Variants in RBM20 observed in about 807,000 individuals in gnomAD.
The protein encoded by RBM20 is RNA binding motif protein 20, also known as RNA-binding protein 20.
In RBM20, 51 loss-of-function variants were observed where a neutral mutation model predicts 110.1. The observed-to-expected ratio is 0.46, with a 90% CI of 0.37 to 0.59. RBM20 has a LOEUF of 0.59. Ranked by LOEUF, RBM20 falls within the 20% of genes least tolerant of loss-of-function variation. The pLI, the probability that RBM20 is intolerant of heterozygous loss-of-function variation, is 0.00. For synonymous variants in RBM20, 589 were observed against 618.2 expected (o/e 0.95, Z 0.70); for missense variants, 1,512 against 1,574.9 (o/e 0.96, Z 0.68).
At chr10:110,728,801 G>T (rs972939852) in intron 1 of RBM20, among the ~76,000 whole-genome samples, 9 of 152,102 alleles carry the variant, frequency 5.9e-5, no homozygotes, top group East Asian at 1.9e-4. Context: ...TTGCTGAGTC[G>T]CCAGGTCTCA....
intron 1 of RBM20, among the ~76,000 whole-genome samples, chr10:110,695,285 A>T (rs1246205876): frequency 6.6e-6 from 1 of 152,258 alleles, no homozygotes; most frequent in Non-Finnish European, 1.5e-5. Flanking sequence ...CCACAGGTGC[A>T]GAGGGCATAA....
chr10:110,712,608 A>G (rs1042952294), intron 1 of RBM20, among the ~76,000 whole-genome samples: 25 of 152,196 alleles, frequency 1.6e-4, no homozygotes, highest in African/African-American at 4.6e-4. Context: ...CTCTACCAAA[A>G]ATACAAAAAT....
At chr10:110,675,231 G>T (rs1161465313) in intron 1 of RBM20, among the ~76,000 whole-genome samples, 4 of 152,164 alleles carry the variant, frequency 2.6e-5, no homozygotes, top group Non-Finnish European at 5.9e-5. Flanking sequence ...TGGGAATAAA[G>T]GAAAAGAGAG....
intron 1 of RBM20, among the ~76,000 whole-genome samples, chr10:110,710,929 T>C (rs1241269450): frequency 6.6e-6 from 1 of 152,084 alleles, no homozygotes; most frequent in Non-Finnish European, 1.5e-5. Context: ...GGCTCCTACA[T>C]GTGGAGGTTG....
chr10:110,684,318 C>T (rs980074670), intron 1 of RBM20, among the ~76,000 whole-genome samples: 2 of 151,910 alleles, frequency 1.3e-5, no homozygotes, highest in East Asian at 1.9e-4. Flanking sequence ...CGTTTGAACC[C>T]GGGAGGCAGA....
chr10:110,729,655 C>T (rs1389273120), intron 1 of RBM20, among the ~76,000 whole-genome samples: 1 of 152,176 alleles, frequency 6.6e-6, no homozygotes, highest in African/African-American at 2.4e-5. Context: ...GATTCCCAGC[C>T]GTCCGTCATC....
chr10:110,667,670 A>C (rs1862197945), intron 1 of RBM20, among the ~76,000 whole-genome samples: 1 of 152,138 alleles, frequency 6.6e-6, no homozygotes, highest in Non-Finnish European at 1.5e-5. Flanking sequence ...CGTAACACAC[A>C]GGGCTTCATC....
intron 1 of RBM20, among the ~76,000 whole-genome samples, chr10:110,759,353 T>C (rs968019689): frequency 1.3e-5 from 2 of 152,198 alleles, no homozygotes; most frequent in African/African-American, 4.8e-5. Flanking sequence ...ATTGCAAAGA[T>C]AGAGTAGTCA....
chr10:110,735,006 A>G (rs935127873), intron 1 of RBM20, among the ~76,000 whole-genome samples: 90 of 152,156 alleles, frequency 5.9e-4, no homozygotes, highest in African/African-American at 2.0e-3. Context: ...TCCACAGTGT[A>G]TACACCACCC....
At chr10:110,730,683 C>T (rs925547295) in intron 1 of RBM20, among the ~76,000 whole-genome samples, 10 of 152,338 alleles carry the variant, frequency 6.6e-5, no homozygotes, top group Middle Eastern at 3.4e-3. Context: ...AAGTTCATTG[C>T]GGTGGGATTG....
intron 1 of RBM20, among the ~76,000 whole-genome samples, chr10:110,746,453 C>T (rs1326412488): frequency 6.6e-6 from 1 of 152,170 alleles, no homozygotes; most frequent in Non-Finnish European, 1.5e-5. Flanking sequence ...TTAAGTAGAG[C>T]CTCCTGGAAT....
chr10:110,683,455 C>T (rs1040198288), intron 1 of RBM20, among the ~76,000 whole-genome samples: 1 of 152,214 alleles, frequency 6.6e-6, no homozygotes, highest in Non-Finnish European at 1.5e-5. Context: ...CTCGTAAATG[C>T]TAGGTCAGGT....
In RBM20 at chr10:110,821,295, A is replaced by C. The variant is rs1447611071; in HGVS notation, c.2676A>C (p.Glu892Asp). The C allele has an allele frequency of 6.4e-7, 1 of 1,551,254 alleles. No individual in the cohort carries two copies. The highest frequency in any genetic ancestry group is 8.7e-7 in the Non-Finnish European group (1 of 1,146,720). The change falls in exon 11 of 14, where the codon GAA becomes GAC. Residue 892 changes from glutamate to aspartate, a missense_variant. By Grantham distance (45) the Glu-to-Asp change is conservative. This residue lies in a region of RBM20 where 1,149 missense variants were observed against 1,169.4 expected (regional missense o/e 0.98). Coordinates refer to ENST00000369519, the MANE Select transcript of RBM20 (RefSeq NM_001134363.3). The stretch of plus-strand genomic sequence containing the variant: ...TACAGGAACAAGATTGGGAGAGTGA[A>C]AGTGAGGCAGAGGGGGAGAGCTGGT... ...RTKKEQDWES[E>D]SEAEGESWYP...
chr10:110,644,296 G>T (rs992921246), upstream of RBM20: 8 of 489,330 alleles, frequency 1.6e-5, no homozygotes, highest in African/African-American at 1.6e-4. The surrounding 1 kb of genome is among the most constrained non-coding windows in gnomAD (Gnocchi z 4.3). Flanking sequence ...AGGCGGCGCC[G>T]CCAGGACTGC....
At chr10:110,756,089 G>A (rs1017168974) in intron 1 of RBM20, among the ~76,000 whole-genome samples, 2 of 152,218 alleles carry the variant, frequency 1.3e-5, no homozygotes, top group African/African-American at 4.8e-5. Flanking sequence ...ATACTTCAGT[G>A]GATAAATTTG....
chr10:110,659,651 T>A (rs1279129035), intron 1 of RBM20, among the ~76,000 whole-genome samples: 1 of 152,098 alleles, frequency 6.6e-6, no homozygotes, highest in Non-Finnish European at 1.5e-5. Context: ...CATTTCTGCA[T>A]CTCAAAAAAA....
intron 6 of RBM20, among the ~76,000 whole-genome samples, chr10:110,798,643 G>A (rs961945628): frequency 1.3e-5 from 2 of 152,164 alleles, no homozygotes; most frequent in East Asian, 3.8e-4. Flanking sequence ...CTTCTTAGTC[G>A]CCCACGCTAA....
chr10:110,767,689 C>T (rs976566800), intron 1 of RBM20, among the ~76,000 whole-genome samples: 46 of 149,834 alleles, frequency 3.1e-4, no homozygotes, highest in African/African-American at 1.1e-3. Context: ...ACATCCCAGA[C>T]GGGGTGGCGG....
Position 110,836,346 on chromosome 10 carries a change from T to C in RBM20, c.*368T>C, listed in dbSNP as rs1845128729. ...ACTTCTCAGGGATTTTCACAGTGTT[T>C]AAATTCTTGGTAGGATATAACAGGT... On this transcript the variant is annotated 3_prime_UTR_variant, in exon 14 of 14. Coordinates refer to ENST00000369519, the MANE Select transcript of RBM20 (RefSeq NM_001134363.3). 6.2e-6 allele frequency: 1 copy of C among 161,600 alleles called. No individual in the cohort carries two copies. The highest frequency in any genetic ancestry group is 2.4e-5 in the African/African-American group (1 of 41,694). 10.0% of individuals were successfully genotyped at this position (161,600 alleles called of 1,614,324 possible).
Sources: gnomAD v4.1 joint callset for allele counts (sites outside exome capture counted in the v4.1 genomes callset) on GRCh38, gnomAD v4.1.1 for gene constraint, gnomAD v4.1.1 regional missense constraint, Gnocchi (gnomAD v3.1) non-coding constraint, MANE v1.5 for transcripts, NCBI Gene and HGNC (gene_info 2026-07-23, HGNC 2026-07-21) for gene names.